BAZ1A: variants seen among roughly 807,000 people sequenced by gnomAD.
BAZ1A encodes bromodomain adjacent to zinc finger domain 1A.
Under a neutral mutation model 185.2 loss-of-function variants are expected in BAZ1A, and 50 were observed. The ratio of observed to expected loss-of-function variants is 0.27; its 90% confidence interval spans 0.22 to 0.34. The LOEUF (loss-of-function observed/expected upper bound fraction) is 0.34. BAZ1A is among the 10% of genes least tolerant of loss of function. The probability of loss-of-function intolerance (pLI) is 1.00; values close to 1 mark genes in which losing one functional copy is unlikely to be tolerated. For synonymous variants in BAZ1A, 571 were observed against 615.6 expected, an observed-to-expected ratio of 0.93 and a Z score of 1.07; for missense variants, 1,356 against 1,839.9, an observed-to-expected ratio of 0.74 and a Z score of 4.81.
chr14:34,774,254 T>C (rs1566553201), intron 19 of BAZ1A, 73 bp downstream of exon 19: 2 of 1,296,968 alleles, frequency 1.5e-6, no homozygotes, highest in Non-Finnish European at 2.1e-6. Flanking sequence ...GTCTATGCCA[T>C]ATAATTAACA....
intron 23 of BAZ1A, among the ~76,000 whole-genome samples, chr14:34,764,225 G>T (rs543835706): frequency 1.3e-5 from 2 of 149,414 alleles, no homozygotes; most frequent in South Asian, 4.2e-4. Context: ...ATTTTTGAAT[G>T]TTTATAATAT....
chr14:34,868,482 G>A (rs146141188), intron 2 of BAZ1A, among the ~76,000 whole-genome samples: 227 of 152,250 alleles, frequency 1.5e-3, no homozygotes, highest in Non-Finnish European at 2.4e-3. Context: ...TAAAAACCTA[G>A]TAGGGGAAGA....
chr14:34,854,377 A>G (rs7140379), intron 3 of BAZ1A, among the ~76,000 whole-genome samples: 91,841 of 151,918 alleles, frequency 0.6, 27,879 homozygotes, highest in South Asian at 0.68. Flanking sequence ...AGCCGAGGTC[A>G]CGCTACTGCA....
intron 3 of BAZ1A, among the ~76,000 whole-genome samples, chr14:34,840,721 C>A (rs2042399880): frequency 6.6e-6 from 1 of 151,958 alleles, no homozygotes; most frequent in Non-Finnish European, 1.5e-5. Flanking sequence ...TGCACCACTG[C>A]ACTCCAGCCT....
chr14:34,843,192 A>C (rs2042445603), intron 3 of BAZ1A, among the ~76,000 whole-genome samples: 1 of 152,082 alleles, frequency 6.6e-6, no homozygotes, highest in African/African-American at 2.4e-5. Context: ...GGAGGATCTA[A>C]AATTTACTGA....
chr14:34,780,044 G>A, intron 17 of BAZ1A, 142 bp downstream of exon 17: 1 of 1,023,480 alleles, frequency 9.8e-7, no homozygotes, highest in Non-Finnish European at 1.5e-6. Context: ...TCACAGCTAT[G>A]AGGTGGGCAT....
At chr14:34,807,606 T>C in intron 5 of BAZ1A, 68 bp from the exon 6 acceptor site, 4 of 1,105,312 alleles carry the variant, frequency 3.6e-6, no homozygotes, top group Non-Finnish European at 5.3e-6. Context: ...AACTCCATAA[T>C]CTCTGTAAAT....
At chr14:34,822,634 A>G (rs1023564163) in intron 4 of BAZ1A, among the ~76,000 whole-genome samples, 2 of 152,148 alleles carry the variant, frequency 1.3e-5, no homozygotes, top group Non-Finnish European at 2.9e-5. Context: ...AACAAAAAAC[A>G]AAAAATAATT....
intron 21 of BAZ1A, among the ~76,000 whole-genome samples, chr14:34,769,816 TAC>T (rs1300791469): frequency 2.0e-5 from 3 of 152,242 alleles, no homozygotes; most frequent in Non-Finnish European, 4.4e-5. Flanking sequence ...TTGTAATAAA[TAC>T]AGAGTGATCC....
At chr14:34,806,532 T>G (rs1430104401) in intron 6 of BAZ1A, among the ~76,000 whole-genome samples, 3 of 151,984 alleles carry the variant, frequency 2.0e-5, no homozygotes, top group Non-Finnish European at 4.4e-5. Flanking sequence ...GGCATGAGGC[T>G]CCATTCTATT....
At chr14:34,863,576 G>C (rs1454049966) in intron 2 of BAZ1A, among the ~76,000 whole-genome samples, 1 of 152,120 alleles carries the variant, frequency 6.6e-6, no homozygotes, top group Non-Finnish European at 1.5e-5. Flanking sequence ...AAAGTGCTGG[G>C]ATTACAGGCG....
In BAZ1A at chr14:34,862,252, G is replaced by A. The variant is rs1254152062; in HGVS notation, c.184C>T (p.Leu62=). Residue 62 remains leucine (L), a synonymous_variant, in exon 3 of 27, where the codon CTG becomes TTG. Coordinates refer to ENST00000360310, the MANE Select transcript of BAZ1A (RefSeq NM_013448.3). ...WSCAVTGRPG[L]TYQEALESEK... The stretch of plus-strand genomic sequence containing the variant: ...GACTCAAGTGCTTCCTGATACGTCA[G>A]TCCAGGTCTACCCGTCACAGCACAA... 6.2e-7 allele frequency: 1 copy of A among 1,614,014 alleles called. No individual in the cohort carries two copies. Among genetic ancestry groups the A allele is most frequent in the South Asian group, 1.1e-5 (1 of 91,068 alleles).
chr14:34,857,151 T>C (rs952158522), intron 3 of BAZ1A, among the ~76,000 whole-genome samples: 27 of 151,256 alleles, frequency 1.8e-4, no homozygotes, highest in South Asian at 1.7e-3. Flanking sequence ...GGACTACAGG[T>C]GCCCGCCACT....
At chr14:34,799,349 A>G (rs1193325478) in intron 9 of BAZ1A, among the ~76,000 whole-genome samples, 2 of 152,154 alleles carry the variant, frequency 1.3e-5, no homozygotes, top group Non-Finnish European at 2.9e-5. Context: ...AAACCTGCAC[A>G]TTGTGCACAG....
At chr14:34,855,456 G>T (rs979516092) in intron 3 of BAZ1A, among the ~76,000 whole-genome samples, 9 of 152,154 alleles carry the variant, frequency 5.9e-5, no homozygotes, top group African/African-American at 2.2e-4. Context: ...TCTGGTTCAG[G>T]GGGCTGCCTG....
intron 3 of BAZ1A, among the ~76,000 whole-genome samples, chr14:34,858,395 T>C (rs1293553623): frequency 1.3e-5 from 2 of 152,192 alleles, no homozygotes; most frequent in Non-Finnish European, 2.9e-5. Context: ...ACTGGAATTA[T>C]AGGCACATGC....
chr14:34,759,179 T>TG (rs1886404214), intron 24 of BAZ1A, among the ~76,000 whole-genome samples: 2 of 104,796 alleles, frequency 1.9e-5, no homozygotes, highest in South Asian at 7.3e-4. Context: ...CAGTTTTTTT[T>TG]TTTTTTTTTT....
chr14:34,863,967 G>A (rs1431552697), intron 2 of BAZ1A, among the ~76,000 whole-genome samples: 1 of 151,478 alleles, frequency 6.6e-6, no homozygotes. Context: ...GGGACTACAG[G>A]TGCACACCAG....
At chr14:34,819,714 A>G (rs1359574977) in intron 4 of BAZ1A, among the ~76,000 whole-genome samples, 1 of 152,234 alleles carries the variant, frequency 6.6e-6, no homozygotes. Context: ...TGGAGGTTAC[A>G]GATAATGCTA....
Sources: allele counts gnomAD v4.1 joint callset (sites outside exome capture counted in the v4.1 genomes callset), GRCh38; gene constraint gnomAD v4.1.1; transcripts MANE v1.5; gene names NCBI Gene and HGNC (gene_info 2026-07-23, HGNC 2026-07-21).